The following RIMKLB variants were observed in gnomAD, a reference collection of about 807,000 sequenced individuals.
The protein encoded by RIMKLB is beta-citrylglutamate synthase B.
In RIMKLB, 7 loss-of-function variants were observed where a neutral mutation model predicts 32.0. The ratio of observed to expected loss-of-function variants is 0.22; its 90% CI spans 0.12 to 0.41. The LOEUF is 0.41. Ranked by LOEUF, RIMKLB falls within the 10% of genes least tolerant of loss-of-function variation. The pLI is 1.00. For missense variants in RIMKLB, 289 were observed against 498.7 expected, an observed-to-expected ratio of 0.58 and a Z score of 4.00; for synonymous variants, 172 against 185.1, an observed-to-expected ratio of 0.93 and a Z score of 0.57.
downstream of RIMKLB, among the ~76,000 whole-genome samples, chr12:8,778,444 G>T (rs1179247712): frequency 6.6e-6 from 1 of 152,176 alleles, no homozygotes; most frequent in East Asian, 1.9e-4. Context: ...CTAACAAGGA[G>T]ATGTGAGCAG....
rs1950678067 is a variant in RIMKLB at position 8,775,507 on chromosome 12, G to C, written c.*1723G>C. ...CGAATCCTCTGAAGCTTTTACCCAA[G>C]CCCTTTCTTGCCTCTCCAGTGCTAT... On this transcript the variant is annotated 3_prime_UTR_variant, in exon 6 of 6. Coordinates refer to ENST00000535829, the MANE Select transcript of RIMKLB (RefSeq NM_001297776.2). The C allele has an allele frequency of 1.0e-6, 1 of 985,704 alleles. No homozygotes were observed. 61.1% of individuals were successfully genotyped at this position (985,704 alleles called of 1,614,324 possible).
At position 8,729,526 on chromosome 12, in the gene RIMKLB, G is replaced by A. The variant is rs146601556; in HGVS notation, c.175+15485G>A. Among the ~76,000 whole-genome samples, 355 of 152,176 alleles carry A rather than the reference G, an allele frequency of 2.3e-3. 4 individuals are homozygous for A. Among genetic ancestry groups the A allele is most frequent in the African/African-American group, 8.3e-3 (343 of 41,512 alleles). On this transcript the variant is annotated intron_variant, in intron 2 of 5. Coordinates refer to ENST00000535829, the MANE Select transcript of RIMKLB (RefSeq NM_001297776.2). ...GCTGGCTGAGCCTGGGGTTTTTGTG[G>A]GCACAAGATGGAGAGTGGGGAGGGG... is the stretch of plus-strand genomic sequence containing the variant.
chr12:8,711,835 G>A (rs1324211175), intron 1 of RIMKLB, among the ~76,000 whole-genome samples: 1 of 152,128 alleles, frequency 6.6e-6, no homozygotes, highest in Admixed American at 6.5e-5. Flanking sequence ...TTTTTCTAAT[G>A]AGCATAGTAT....
At chr12:8,737,872 G>A (rs972855381) in intron 2 of RIMKLB, among the ~76,000 whole-genome samples, 30 of 152,016 alleles carry the variant, frequency 2.0e-4, no homozygotes, top group African/African-American at 6.8e-4. Context: ...GCGCCACCAC[G>A]CCCGGCTAAT....
chr12:8,671,004 G>A, the RIMKLB span, among the ~76,000 whole-genome samples: 15 of 152,198 alleles, frequency 9.9e-5, no homozygotes, highest in African/African-American at 3.6e-4. Context: ...AGCCACGGCT[G>A]GAGTGGCTGA....
At chr12:8,698,564 C>T (rs1158698911) in intron 1 of RIMKLB, among the ~76,000 whole-genome samples, 1 of 152,126 alleles carries the variant, frequency 6.6e-6, no homozygotes, top group Non-Finnish European at 1.5e-5. Context: ...ACCGGGCGAG[C>T]CGTGTCGAGG....
chr12:8,695,694 C>CTTT (rs397951288), upstream of RIMKLB, among the ~76,000 whole-genome samples: 335 of 132,742 alleles, frequency 2.5e-3, 2 homozygotes, highest in East Asian at 0.014. Context: ...TGAATAGCAA[C>CTTT]TTTTTTTTTT....
chr12:8,729,353 G>GC (rs1384086916), intron 2 of RIMKLB, among the ~76,000 whole-genome samples: 9 of 151,884 alleles, frequency 5.9e-5, no homozygotes, highest in Non-Finnish European at 5.9e-5. Context: ...AGGGGATGGA[G>GC]CGGGAAGGTA....
At chr12:8,772,803 CT>C (rs1229970881) in intron 5 of RIMKLB, among the ~76,000 whole-genome samples, 1 of 152,184 alleles carries the variant, frequency 6.6e-6, no homozygotes, top group East Asian at 1.9e-4. Flanking sequence ...CTTTCTCTTC[CT>C]TCCTTTTGGC....
intron 5 of RIMKLB, among the ~76,000 whole-genome samples, chr12:8,757,871 G>T (rs868447590): frequency 6.6e-6 from 1 of 151,768 alleles, no homozygotes; most frequent in African/African-American, 2.4e-5. Flanking sequence ...TCTCCTCATT[G>T]AATAGTTTCT....
chr12:8,747,605 T>C (rs1948213359), intron 2 of RIMKLB, among the ~76,000 whole-genome samples: 1 of 152,222 alleles, frequency 6.6e-6, no homozygotes, highest in Non-Finnish European at 1.5e-5. Flanking sequence ...GAAAAGAATC[T>C]GACACATAGT....
At chr12:8,692,895 C>A (rs1198786821), upstream of RIMKLB, among the ~76,000 whole-genome samples, 1 of 152,222 alleles carries the variant, frequency 6.6e-6, no homozygotes, top group African/African-American at 2.4e-5. Flanking sequence ...AGTCAAGGTT[C>A]TAACATTAGA....
chr12:8,716,472 A>G (rs1424061065), intron 2 of RIMKLB, among the ~76,000 whole-genome samples: 3 of 100,348 alleles, frequency 3.0e-5, no homozygotes, highest in African/African-American at 1.2e-4. Context: ...AAGAGCCAGT[A>G]TGCTACAAAA....
chr12:8,728,789 T>TTTTTG (rs1946276839), intron 2 of RIMKLB, among the ~76,000 whole-genome samples: 11 of 131,906 alleles, frequency 8.3e-5, no homozygotes, highest in African/African-American at 3.0e-4. Context: ...GTGTGTGTGT[T>TTTTTG]TTTGTTTGTT....
intron 2 of RIMKLB, among the ~76,000 whole-genome samples, chr12:8,722,035 C>T (rs372689473): frequency 1.3e-4 from 20 of 152,064 alleles, no homozygotes; most frequent in East Asian, 7.7e-4. Context: ...TGAGCCACCG[C>T]GCCTGGCCTA....
At chr12:8,696,827 G>A (rs1395778801), upstream of RIMKLB, among the ~76,000 whole-genome samples, 1 of 152,184 alleles carries the variant, frequency 6.6e-6, no homozygotes, top group Non-Finnish European at 1.5e-5. Flanking sequence ...GTTGGCTGAG[G>A]TCACTGAGAC....
At chr12:8,699,921 C>G (rs751439745) in intron 1 of RIMKLB, 12 of 152,228 alleles carry the variant, frequency 7.9e-5, no homozygotes, top group Non-Finnish European at 1.8e-4. Flanking sequence ...CTTGCCCCCC[C>G]GCAGGGGGTA....
Position 8,773,641 on chromosome 12 carries a change from G to C in RIMKLB, c.1018G>C (p.Ala340Pro), listed in dbSNP as rs1484530525. The change falls in exon 6 of 6, where the codon GCT becomes CCT. Residue 340 changes from alanine (A) to proline (P), a missense_variant. This residue lies in a region of RIMKLB where 99 missense variants were observed against 133.9 expected (regional missense o/e 0.74). Coordinates refer to ENST00000535829, the MANE Select transcript of RIMKLB (RefSeq NM_001297776.2). ...GGAGCTGGGTCCCCCAGCCAGCACT[G>C]CTGTTGACAACATGAGTGCAAGTTC... The part of the protein sequence containing the change: ...EPELGPPAST[A>P]VDNMSASSSS... 2.5e-6 allele frequency: 4 copies of C among 1,614,250 alleles called. No homozygotes were observed. Among genetic ancestry groups the C allele is most frequent in the Non-Finnish European group, 3.4e-6 (4 of 1,180,040 alleles).
chr12:8,695,350 C>T (rs1172130541), upstream of RIMKLB, among the ~76,000 whole-genome samples: 2 of 152,054 alleles, frequency 1.3e-5, no homozygotes, highest in Non-Finnish European at 2.9e-5. Flanking sequence ...AGTCCACAGC[C>T]GCCTAAACAT....
Sources: allele counts gnomAD v4.1 joint callset (sites outside exome capture counted in the v4.1 genomes callset), GRCh38; gene constraint gnomAD v4.1.1; regional missense constraint gnomAD v4.1.1; transcripts MANE v1.5; gene names NCBI Gene and HGNC (gene_info 2026-07-23, HGNC 2026-07-21).